EFHC2: variants seen among roughly 807,000 people sequenced by gnomAD.
EFHC2 encodes the protein EF-hand domain-containing family member C2.
Under a neutral mutation model 52.7 loss-of-function variants are expected in EFHC2, and 18 were observed. The observed-to-expected ratio is 0.34, with a 90% confidence interval of 0.24 to 0.51. The LOEUF is 0.51. Ranked by LOEUF, EFHC2 falls within the 20% of genes least tolerant of loss-of-function variation. The pLI is 0.97. For synonymous variants in EFHC2, 203 were observed against 204.1 expected, an observed-to-expected ratio of 0.99 and a Z score of 0.04; for missense variants, 513 against 562.5, an observed-to-expected ratio of 0.91 and a Z score of 0.89.
rs1288247494 is a variant in EFHC2, at chrX:44,305,433, T to C, written c.231+7135A>G. Among the ~76,000 whole-genome samples the C allele has an allele frequency of 8.1e-5, 9 of 111,780 alleles. No individual in the cohort carries two copies. In the Admixed American group the frequency reaches 8.5e-4, roughly 11 times the overall value. ...TTGCTGATCTTGTCTTTATTTAAAA[T>C]GTTGGCATTTTGTTCATCATGAATT... On this transcript the variant is annotated intron_variant, in intron 2 of 14. Coordinates refer to ENST00000420999, the MANE Select transcript of EFHC2 (RefSeq NM_025184.4).
At chrX:44,318,307 T>C in intron 1 of EFHC2, among the ~76,000 whole-genome samples, 1 of 111,957 alleles carries the variant, frequency 8.9e-6, no homozygotes, top group Non-Finnish European at 1.9e-5. Context: ...ATTCCATTTA[T>C]ATGAAATATA....
intron 9 of EFHC2, among the ~76,000 whole-genome samples, chrX:44,233,857 G>T (rs1331102161): frequency 9.0e-6 from 1 of 111,628 alleles, no homozygotes; most frequent in East Asian, 2.8e-4. Flanking sequence ...GCCAACAGAT[G>T]AGTGAGCAAG....
intron 10 of EFHC2, 76 bp from the exon 11 acceptor site, chrX:44,229,855 A>G (rs892123329): frequency 5.9e-6 from 6 of 1,015,100 alleles, no homozygotes; most frequent in Non-Finnish European, 6.7e-6. Flanking sequence ...GCTGATGGCC[A>G]GCAAAGGGAC....
intron 11 of EFHC2, among the ~76,000 whole-genome samples, chrX:44,218,230 A>C (rs2147310588): frequency 9.0e-6 from 1 of 111,645 alleles, no homozygotes; most frequent in Admixed American, 9.5e-5. Flanking sequence ...TTCAATTTTT[A>C]AGAAATACGA....
intron 11 of EFHC2, among the ~76,000 whole-genome samples, chrX:44,226,124 C>T (rs962462165): frequency 9.0e-6 from 1 of 111,466 alleles, no homozygotes. Context: ...GATGGAAATA[C>T]GGAGCTAAAG....
At chrX:44,317,099 C>T (rs2037988030) in intron 1 of EFHC2, among the ~76,000 whole-genome samples, 1 of 112,171 alleles carries the variant, frequency 8.9e-6, no homozygotes, top group African/African-American at 3.2e-5. Flanking sequence ...GAAGAGAGCT[C>T]CCTGCTTCTA....
At chrX:44,319,474 G>A (rs1451326740) in intron 1 of EFHC2, among the ~76,000 whole-genome samples, 2 of 111,358 alleles carry the variant, frequency 1.8e-5, no homozygotes, top group Non-Finnish European at 3.8e-5. Flanking sequence ...TAATGGAGAC[G>A]ATTTCAGAGG....
chrX:44,225,395 GT>G (rs1356189017), intron 11 of EFHC2, among the ~76,000 whole-genome samples: 1 of 111,010 alleles, frequency 9.0e-6, no homozygotes, highest in Non-Finnish European at 1.9e-5. Context: ...TTATACAGAG[GT>G]AGTTTATCAG....
intron 11 of EFHC2, among the ~76,000 whole-genome samples, chrX:44,194,367 G>A (rs2036945729): frequency 9.0e-6 from 1 of 111,575 alleles, no homozygotes; most frequent in Non-Finnish European, 1.9e-5. Flanking sequence ...ACCCGGCTAC[G>A]TTTTGACAGT....
chrX:44,329,729 A>C (rs901364324), intron 1 of EFHC2, among the ~76,000 whole-genome samples: 4 of 108,508 alleles, frequency 3.7e-5, no homozygotes, highest in African/African-American at 1.3e-4. Context: ...CAGCCTCCCA[A>C]GCAGTTGGGA....
chrX:44,168,707 C>A (rs1435730712), intron 13 of EFHC2, among the ~76,000 whole-genome samples: 2 of 110,331 alleles, frequency 1.8e-5, no homozygotes, highest in Non-Finnish European at 3.8e-5. Context: ...CGGTCAGGTG[C>A]CTTCCTTCCC....
chrX:44,212,549 G>T (rs773115097), intron 11 of EFHC2, among the ~76,000 whole-genome samples: 1 of 110,259 alleles, frequency 9.1e-6, no homozygotes, highest in East Asian at 2.9e-4. Context: ...CCCATCTAGA[G>T]TAGGGGGAGG....
At chrX:44,206,712 C>CA (rs758128750) in intron 11 of EFHC2, among the ~76,000 whole-genome samples, 10 of 112,029 alleles carry the variant, frequency 8.9e-5, no homozygotes, top group Non-Finnish European at 1.7e-4. Flanking sequence ...ATAGATGACA[C>CA]AAGCAAATGG....
chrX:44,333,508 C>T (rs6610916), intron 1 of EFHC2, among the ~76,000 whole-genome samples: 46,146 of 110,081 alleles, frequency 0.42, 7,069 homozygotes, highest in South Asian at 0.47. Context: ...AGATAGTTTA[C>T]AAAGAACAGT....
At chrX:44,209,064 T>C (rs931307859) in intron 11 of EFHC2, among the ~76,000 whole-genome samples, 3 of 74,374 alleles carry the variant, frequency 4.0e-5, no homozygotes, top group African/African-American at 1.8e-4. Context: ...TGTGTGTGTG[T>C]GTGTGTGTGT....
chrX:44,181,435 A>T (rs2036834994), intron 11 of EFHC2, among the ~76,000 whole-genome samples: 1 of 111,642 alleles, frequency 9.0e-6, no homozygotes, highest in African/African-American at 3.3e-5. Context: ...AAGGACAAGG[A>T]AAAAGAACAT....
chrX:44,156,016 G>C (rs180987020), intron 14 of EFHC2, among the ~76,000 whole-genome samples: 1 of 112,450 alleles, frequency 8.9e-6, no homozygotes, highest in Non-Finnish European at 1.9e-5. Flanking sequence ...AGCTTCAACA[G>C]AGTTGTCATC....
chrX:44,185,128 A>T (rs1340229789), intron 11 of EFHC2, among the ~76,000 whole-genome samples: 3 of 112,650 alleles, frequency 2.7e-5, no homozygotes, highest in African/African-American at 9.7e-5. Flanking sequence ...GATAATTTCA[A>T]GTTGTATTAA....
chrX:44,292,775 T>C (rs1009991099), intron 2 of EFHC2, among the ~76,000 whole-genome samples: 2 of 109,141 alleles, frequency 1.8e-5, no homozygotes, highest in African/African-American at 6.7e-5. Context: ...TAAAGGTGTG[T>C]GGCACCTCCC....
Sources: allele counts gnomAD v4.1 joint callset (sites outside exome capture counted in the v4.1 genomes callset), GRCh38; gene constraint gnomAD v4.1.1; transcripts MANE v1.5; gene names NCBI Gene and HGNC (gene_info 2026-07-23, HGNC 2026-07-21).